Variants in MYO1B observed in about 807,000 individuals in gnomAD.
MYO1B encodes the protein myosin IB.
In MYO1B, 72 loss-of-function variants were observed where a neutral mutation model predicts 159.7. The ratio of observed to expected loss-of-function variants is 0.45; its 90% CI spans 0.37 to 0.55. The LOEUF is 0.55. Ranked by LOEUF, MYO1B falls within the 20% of genes least tolerant of loss-of-function variation. The pLI is 0.00. For synonymous variants in MYO1B, 468 were observed against 473.8 expected, an observed-to-expected ratio of 0.99 and a Z score of 0.16; for missense variants, 1,062 against 1,364.8, an observed-to-expected ratio of 0.78 and a Z score of 3.50.
At chr2:191,414,219 A>G (rs769459971) in intron 28 of MYO1B, 39 bp downstream of exon 28, 9 of 1,576,516 alleles carry the variant, frequency 5.7e-6, no homozygotes, top group African/African-American at 1.4e-5. Context: ...AGAAGTACCT[A>G]TTAGTTGGGA....
chr2:191,250,098 G>C (rs1042426249), intron 1 of MYO1B, among the ~76,000 whole-genome samples: 2 of 152,192 alleles, frequency 1.3e-5, no homozygotes, highest in African/African-American at 4.8e-5. Context: ...GAAATCCATT[G>C]TGCTTTCAGG....
Position 191,423,954 on chromosome 2 carries a change from C to G in MYO1B, c.3405C>G (p.Val1135=), listed in dbSNP as rs747405895. ...ACAACCGTCTCCTTGAAGTTGCTGT[C>G]CCTTAACTGGCGCCTCCTCTCTACT... The part of the protein sequence containing the change: ...RKNNRLLEVA[V]P The change falls in exon 31 of 31, where the codon GTC becomes GTG. Residue 1135 remains valine, a synonymous_variant. Coordinates refer to ENST00000392318, the MANE Select transcript of MYO1B (RefSeq NM_001130158.3). 4.3e-6 allele frequency: 7 copies of G among 1,613,046 alleles called. No individual in the cohort carries two copies. Among genetic ancestry groups the G allele is most frequent in the Non-Finnish European group, 5.9e-6 (7 of 1,179,610 alleles).
chr2:191,389,372 G>C (rs1309343384), intron 17 of MYO1B, among the ~76,000 whole-genome samples: 3 of 152,234 alleles, frequency 2.0e-5, no homozygotes, highest in African/African-American at 4.8e-5. Flanking sequence ...AAGCAAGATT[G>C]ATGTTTATTT....
At chr2:191,362,171 G>A in intron 8 of MYO1B, 97 bp from the exon 9 acceptor site, 5 of 832,092 alleles carry the variant, frequency 6.0e-6, no homozygotes, top group Non-Finnish European at 9.7e-6. Flanking sequence ...TAATATAAAA[G>A]CCATGTTACC....
At chr2:191,254,510 T>TC (rs1359754488) in intron 1 of MYO1B, among the ~76,000 whole-genome samples, 2 of 150,798 alleles carry the variant, frequency 1.3e-5, no homozygotes, top group Non-Finnish European at 3.0e-5. Flanking sequence ...GCGCCCGGCC[T>TC]CTTTTTTTTT....
intron 4 of MYO1B, among the ~76,000 whole-genome samples, chr2:191,333,956 C>T (rs1691657948): frequency 1.3e-5 from 2 of 152,152 alleles, no homozygotes; most frequent in African/African-American, 4.8e-5. Context: ...TATCTACGCC[C>T]ACCCCTCCCC....
At chr2:191,263,601 T>C (rs1339742116) in intron 1 of MYO1B, 1 of 152,380 alleles carries the variant, frequency 6.6e-6, no homozygotes, top group Non-Finnish European at 1.5e-5. Context: ...ATCGGGTTTC[T>C]ACAAGGTAGT....
At chr2:191,303,329 G>C (rs1190978127) in intron 3 of MYO1B, among the ~76,000 whole-genome samples, 1 of 152,198 alleles carries the variant, frequency 6.6e-6, no homozygotes, top group East Asian at 1.9e-4. Flanking sequence ...GTGTGTGCGT[G>C]TGTGTGTTGA....
At chr2:191,340,909 G>C (rs1004810926) in intron 4 of MYO1B, among the ~76,000 whole-genome samples, 1 of 151,954 alleles carries the variant, frequency 6.6e-6, no homozygotes, top group Non-Finnish European at 1.5e-5. Flanking sequence ...TATTTTAGAA[G>C]AGACAGGGTT....
chr2:191,325,321 G>T (rs1690982632), intron 3 of MYO1B, among the ~76,000 whole-genome samples: 1 of 152,114 alleles, frequency 6.6e-6, no homozygotes, highest in African/African-American at 2.4e-5. Context: ...TTATTTGAAA[G>T]TACTCTAGGG....
At chr2:191,274,618 G>A (rs908684426) in intron 1 of MYO1B, among the ~76,000 whole-genome samples, 7 of 152,202 alleles carry the variant, frequency 4.6e-5, no homozygotes, top group African/African-American at 1.7e-4. Context: ...GGCAGCTAGA[G>A]TGCTTTTGGC....
intron 14 of MYO1B, among the ~76,000 whole-genome samples, chr2:191,381,917 T>C (rs1695061355): frequency 6.6e-6 from 1 of 152,194 alleles, no homozygotes; most frequent in African/African-American, 2.4e-5. Flanking sequence ...TTTTGAGACT[T>C]TGTTCAATAT....
At chr2:191,320,255 C>T (rs1383246158) in intron 3 of MYO1B, among the ~76,000 whole-genome samples, 1 of 152,092 alleles carries the variant, frequency 6.6e-6, no homozygotes, top group South Asian at 2.1e-4. Flanking sequence ...GTAAACTGAG[C>T]TCCTGAGGGT....
chr2:191,317,622 T>A (rs1690437216), intron 3 of MYO1B, among the ~76,000 whole-genome samples: 1 of 152,082 alleles, frequency 6.6e-6, no homozygotes. Flanking sequence ...ATGCTGTCCC[T>A]CCCCCTTCCC....
chr2:191,402,591 C>T (rs1412681978), intron 23 of MYO1B, 41 bp from the exon 24 acceptor site: 1 of 1,536,638 alleles, frequency 6.5e-7, no homozygotes, highest in African/African-American at 1.4e-5. Context: ...GTGCTGTCTG[C>T]ATTGGGCTGT....
intron 26 of MYO1B, among the ~76,000 whole-genome samples, chr2:191,409,417 C>A (rs1430132191): frequency 1.3e-5 from 2 of 152,178 alleles, no homozygotes; most frequent in Admixed American, 6.5e-5. Context: ...CACAGGGCTG[C>A]ATTTTCTTTC....
At position 191,355,990 on chromosome 2, in the gene MYO1B, T is replaced by A. The variant is rs180927548; in HGVS notation, c.563-4641T>A. 2.0e-5 allele frequency among the ~76,000 whole-genome samples: 3 copies of A among 152,360 alleles called. No homozygotes were observed. The East Asian group carries it at 5.8e-4, about 29-fold the overall frequency. Reference sequence around the variant, plus strand: ...CACATTGTTTAATCTGTGTGTGTGCTGCATTCATGCCATTTTGTATGGAAC... The same window carrying A: ...CACATTGTTTAATCTGTGTGTGTGCAGCATTCATGCCATTTTGTATGGAAC... On this transcript the variant is annotated intron_variant, in intron 7 of 30. Coordinates refer to ENST00000392318, the MANE Select transcript of MYO1B (RefSeq NM_001130158.3).
chr2:191,296,271 A>C lies in MYO1B; in HGVS notation c.251+45A>C, dbSNP rs567016053. 5.3e-5 allele frequency: 62 copies of C among 1,170,260 alleles called. 2 individuals carry two copies. In the South Asian group the frequency reaches 8.4e-4, roughly 16 times the overall value. The allele number at this position is 1,170,260 out of a possible 1,614,324, so 72.5% of individuals were successfully genotyped here. On this transcript the variant is annotated intron_variant, in intron 3 of 30. Coordinates refer to ENST00000392318, the MANE Select transcript of MYO1B (RefSeq NM_001130158.3). Reference sequence around the variant, plus strand: ...ATTAAGTTTCTCTTTTACTCCAGAGATGTGTAGTTGACAGATGTGTGCAGC... The same window carrying C: ...ATTAAGTTTCTCTTTTACTCCAGAGCTGTGTAGTTGACAGATGTGTGCAGC...
In MYO1B at chr2:191,390,391, G is replaced by A. The variant is rs998198422; in HGVS notation, c.1881G>A (p.Val627=). The A allele has an allele frequency of 1.6e-5, 26 of 1,614,156 alleles. No homozygotes were observed. The highest frequency in any genetic ancestry group is 2.1e-5 in the Non-Finnish European group (25 of 1,180,056). The change falls in exon 18 of 31, where the codon GTG becomes GTA. Residue 627 remains valine (V), a synonymous_variant. Coordinates refer to ENST00000392318, the MANE Select transcript of MYO1B (RefSeq NM_001130158.3). The part of the protein sequence containing the change: ...RYLGLLENVR[V]RRAGYAFRQA... ...TGGGGCTTTTGGAGAACGTCCGAGTGCGGAGGGCAGGCTACGCCTTCAGGC... is the reference window on the plus strand; with the variant it reads ...TGGGGCTTTTGGAGAACGTCCGAGTACGGAGGGCAGGCTACGCCTTCAGGC...
Sources: gnomAD v4.1 joint callset for allele counts (sites outside exome capture counted in the v4.1 genomes callset) on GRCh38, gnomAD v4.1.1 for gene constraint, MANE v1.5 for transcripts, NCBI Gene and HGNC (gene_info 2026-07-23, HGNC 2026-07-21) for gene names.